Variants in RBFOX1 observed in about 807,000 individuals in gnomAD.
RBFOX1 encodes RNA binding fox-1 homolog 1.
A neutral mutation model predicts 57.7 loss-of-function variants in RBFOX1; 8 were observed. That is an observed-to-expected ratio of 0.14 (90% CI 0.08 to 0.25). The LOEUF (loss-of-function observed/expected upper bound fraction) is 0.25. RBFOX1 is among the 10% of genes least tolerant of loss of function. RBFOX1 has a pLI of 1.00. For missense variants in RBFOX1, 611 were observed against 548.5 expected, an observed-to-expected ratio of 1.11 and a Z score of -1.14; for synonymous variants, 326 against 222.4, an observed-to-expected ratio of 1.47 and a Z score of -4.15.
chr16:5,674,081 A>G (rs1328257575), intron 3 of RBFOX1, among the ~76,000 whole-genome samples: 1 of 152,164 alleles, frequency 6.6e-6, no homozygotes, highest in Non-Finnish European at 1.5e-5. Context: ...TCCTCTATGT[A>G]GTATTGTTCT....
At chr16:5,539,923 G>A (rs916655480) in intron 2 of RBFOX1, among the ~76,000 whole-genome samples, 5 of 152,170 alleles carry the variant, frequency 3.3e-5, no homozygotes, top group Non-Finnish European at 5.9e-5. Flanking sequence ...TTTTATGGAT[G>A]TTTCAAGGAG....
intron 1 of RBFOX1, among the ~76,000 whole-genome samples, chr16:6,044,279 T>C (rs1266059644): frequency 1.3e-5 from 2 of 152,220 alleles, no homozygotes; most frequent in African/African-American, 4.8e-5. Flanking sequence ...AGGTGCTGTG[T>C]TGTTTTCAGA....
rs12919250 is a variant in RBFOX1 at position 6,967,063 on chromosome 16, A to C, written c.-15-84994A>C. Among the ~76,000 whole-genome samples the C allele has an allele frequency of 1.1e-3, 173 of 152,200 alleles. 1 individual carries two copies. Among genetic ancestry groups the C allele is most frequent in the African/African-American group, 3.8e-3 (158 of 41,512 alleles). ...GTGCATCCACCCTCCATCTATCCAT[A>C]TATCTATACATTCATCCACCCATCA... On this transcript the variant is annotated intron_variant, in intron 3 of 15. Coordinates refer to ENST00000550418, the MANE Select transcript of RBFOX1 (RefSeq NM_018723.4).
intron 3 of RBFOX1, among the ~76,000 whole-genome samples, chr16:6,801,658 C>A (rs539180579): frequency 4.5e-4 from 68 of 151,888 alleles, no homozygotes; most frequent in African/African-American, 1.6e-3. Context: ...TGTTTCTGGA[C>A]CAAACTGAGG....
At chr16:6,918,732 C>T (rs1322484665) in intron 3 of RBFOX1, among the ~76,000 whole-genome samples, 1 of 152,146 alleles carries the variant, frequency 6.6e-6, no homozygotes, top group Middle Eastern at 3.2e-3. Context: ...ATGCAGACAA[C>T]ATGAAGCGGC....
chr16:7,340,222 T>C (rs2096867256), intron 4 of RBFOX1, among the ~76,000 whole-genome samples: 1 of 152,220 alleles, frequency 6.6e-6, no homozygotes, highest in Admixed American at 6.5e-5. Flanking sequence ...AGGTTCTTGT[T>C]ATCAACAACA....
At position 5,841,341 on chromosome 16, in the gene RBFOX1, C is replaced by T. The variant is rs549269491; in HGVS notation, c.319-25962C>T. The stretch of plus-strand genomic sequence containing the variant: ...AGGGAATGTTCTTATCACCATGCAG[C>T]TGCACTGCCACTCATGTAACCCCAA... On this transcript the variant is annotated intron_variant, in intron 3 of 19. Transcript: ENST00000641259. 4.6e-5 allele frequency among the ~76,000 whole-genome samples: 7 copies of T among 152,298 alleles called. No homozygotes were observed. In the South Asian group the frequency reaches 1.4e-3, roughly 32 times the overall value.
intron 3 of RBFOX1, among the ~76,000 whole-genome samples, chr16:6,895,272 C>G (rs561605304): frequency 1.3e-5 from 2 of 151,346 alleles, no homozygotes; most frequent in East Asian, 3.9e-4. Flanking sequence ...GTTCCTGATT[C>G]CCAGAATCCC....
At chr16:5,370,642 G>GC (rs1174585721) in intron 1 of RBFOX1, among the ~76,000 whole-genome samples, 1 of 151,948 alleles carries the variant, frequency 6.6e-6, no homozygotes, top group African/African-American at 2.4e-5. Context: ...GCAGGCACGT[G>GC]CTACCACACT....
intron 6 of RBFOX1, among the ~76,000 whole-genome samples, chr16:7,584,544 G>A (rs2093991535): frequency 1.3e-5 from 2 of 152,182 alleles, no homozygotes; most frequent in Admixed American, 6.5e-5. Context: ...GCCCGCCTCA[G>A]CCTCCCACAG....
intron 3 of RBFOX1, among the ~76,000 whole-genome samples, chr16:6,903,066 G>T (rs1379474302): frequency 6.6e-6 from 1 of 152,156 alleles, no homozygotes; most frequent in Non-Finnish European, 1.5e-5. Flanking sequence ...GTGAGCATCT[G>T]TTGGAGCAAC....
At chr16:5,856,101 T>G (rs2057023081) in intron 3 of RBFOX1, among the ~76,000 whole-genome samples, 1 of 142,742 alleles carries the variant, frequency 7.0e-6, no homozygotes, top group African/African-American at 2.6e-5. Context: ...TCCTGCAAAT[T>G]TACTGAATTT....
chr16:6,039,347 G>GAAA (rs58081772), intron 1 of RBFOX1, among the ~76,000 whole-genome samples: 8,624 of 136,134 alleles, frequency 0.063, 746 homozygotes, highest in African/African-American at 0.2. Flanking sequence ...CTGCTTTCTG[G>GAAA]AAAAAAAAAA....
rs1445971178 is a variant in RBFOX1, at chr16:5,887,506, A to C, written c.351+20171A>C. 2.6e-5 allele frequency among the ~76,000 whole-genome samples: 4 copies of C among 152,156 alleles called. No homozygotes were observed. In the East Asian group the frequency reaches 7.7e-4, roughly 29 times the overall value. On this transcript the variant is annotated intron_variant, in intron 4 of 19. Transcript: ENST00000641259. ...AACCTGCACCTGCAGGGTTCAAGCAATTCTCCTGCCTTAGCCTCCTGAGTA... is the reference window on the plus strand; with the variant it reads ...AACCTGCACCTGCAGGGTTCAAGCACTTCTCCTGCCTTAGCCTCCTGAGTA...
intron 3 of RBFOX1, among the ~76,000 whole-genome samples, chr16:6,842,383 C>G (rs1035066810): frequency 2.0e-5 from 3 of 151,974 alleles, no homozygotes; most frequent in South Asian, 4.1e-4. Context: ...AAGAAATGTT[C>G]TCCTTATTTA....
chr16:6,917,744 C>T (rs1196872120), intron 3 of RBFOX1, among the ~76,000 whole-genome samples: 1 of 152,196 alleles, frequency 6.6e-6, no homozygotes, highest in Non-Finnish European at 1.5e-5. Context: ...TCCAAGTGGA[C>T]ATATTTCATA....
At chr16:7,019,254 GT>G (rs1476394596) in intron 3 of RBFOX1, among the ~76,000 whole-genome samples, 2 of 151,970 alleles carry the variant, frequency 1.3e-5, no homozygotes, top group African/African-American at 4.8e-5. Context: ...GTTTTGTTAG[GT>G]TGGTGCTTGA....
chr16:7,417,658 C>G (rs919281847), intron 4 of RBFOX1, among the ~76,000 whole-genome samples: 42 of 152,106 alleles, frequency 2.8e-4, no homozygotes, highest in Non-Finnish European at 2.9e-4. Flanking sequence ...AGGCTCTACT[C>G]TTTCGTCCCT....
chr16:6,338,812 C>T (rs780066253), intron 2 of RBFOX1, among the ~76,000 whole-genome samples: 1 of 152,140 alleles, frequency 6.6e-6, no homozygotes, highest in East Asian at 1.9e-4. Context: ...ACAATTTGAA[C>T]CTGTAGAAAT....
Sources: allele counts gnomAD v4.1 joint callset (sites outside exome capture counted in the v4.1 genomes callset), GRCh38; gene constraint gnomAD v4.1.1; transcripts MANE v1.5; gene names NCBI Gene and HGNC (gene_info 2026-07-23, HGNC 2026-07-21).